MTSS1: variants seen among roughly 807,000 people sequenced by gnomAD.
MTSS1 encodes the protein protein MTSS 1.
MTSS1 carries 18 observed loss-of-function variants against 79.0 expected under a neutral mutation model. The ratio of observed to expected loss-of-function variants is 0.23; its 90% CI spans 0.16 to 0.34. MTSS1 has a LOEUF of 0.34. Among genes scored for constraint, MTSS1 ranks in the 10% least tolerant of loss-of-function variants. The pLI is 1.00. For missense variants in MTSS1, 815 were observed against 986.2 expected, an observed-to-expected ratio of 0.83 and a Z score of 2.33; for synonymous variants, 341 against 368.6, an observed-to-expected ratio of 0.93 and a Z score of 0.86.
intron 3 of MTSS1, among the ~76,000 whole-genome samples, chr8:124,623,713 T>C (rs7842533): frequency 0.55 from 84,175 of 152,070 alleles, 25,963 homozygotes; most frequent in African/African-American, 0.83. Flanking sequence ...GATCTCAGCT[T>C]ACTGCAACCT....
intron 3 of MTSS1, among the ~76,000 whole-genome samples, chr8:124,681,966 C>A (rs1473616691): frequency 2.0e-5 from 3 of 152,160 alleles, no homozygotes; most frequent in African/African-American, 7.2e-5. Context: ...TCTTTATACA[C>A]CTTCTCAAAG....
In MTSS1 at chr8:124,693,166, G is replaced by A. The variant is rs561723985; in HGVS notation, c.208+6360C>T. Among the ~76,000 whole-genome samples, 3 of 152,288 alleles carry A rather than the reference G, an allele frequency of 2.0e-5. No individual in the cohort carries two copies. The South Asian group carries it at 6.2e-4, about 32-fold the overall frequency. Reference sequence around the variant, plus strand: ...GACATTCTGGGCCTGGAATGCACATGTGCCAGCAGATAGGGATCAAGGGTT... The same window carrying A: ...GACATTCTGGGCCTGGAATGCACATATGCCAGCAGATAGGGATCAAGGGTT... On this transcript the variant is annotated intron_variant, in intron 3 of 13. Transcript: ENST00000518547.
At chr8:124,726,717 C>T (rs1833748484) in intron 1 of MTSS1, among the ~76,000 whole-genome samples, 1 of 152,150 alleles carries the variant, frequency 6.6e-6, no homozygotes, top group South Asian at 2.1e-4. Context: ...CTCCTCCAGG[C>T]GCCCAGGCAG....
At chr8:124,686,799 T>C (rs1827059857) in intron 3 of MTSS1, among the ~76,000 whole-genome samples, 1 of 152,172 alleles carries the variant, frequency 6.6e-6, no homozygotes, top group Admixed American at 6.5e-5. Flanking sequence ...TTCTGAGGTG[T>C]TTCCATAAAC....
At chr8:124,646,641 G>A (rs1012921810) in intron 3 of MTSS1, among the ~76,000 whole-genome samples, 2 of 152,136 alleles carry the variant, frequency 1.3e-5, no homozygotes, top group African/African-American at 4.8e-5. Flanking sequence ...TGCTTTAAAA[G>A]ACAAAATGCC....
chr8:124,713,254 C>G (rs376210606), intron 1 of MTSS1, among the ~76,000 whole-genome samples: 2 of 152,340 alleles, frequency 1.3e-5, no homozygotes, highest in Non-Finnish European at 2.9e-5. Context: ...GGCCACCCCA[C>G]CACAACGGCA....
At chr8:124,662,122 T>C (rs898849351) in intron 3 of MTSS1, among the ~76,000 whole-genome samples, 1 of 152,182 alleles carries the variant, frequency 6.6e-6, no homozygotes, top group African/African-American at 2.4e-5. Flanking sequence ...TGATCGCATG[T>C]GCTACAACGT....
Position 124,704,148 on chromosome 8 carries a change from T to C in MTSS1, c.116A>G (p.Lys39Arg), listed in dbSNP as rs1356912824. ...TACTTACCGAAGCTGGGACTGCAGC[T>C]TTCCTGCTTTGTTTATGAAATCTTC... is the stretch of plus-strand genomic sequence containing the variant. ...VWEDFINKAG[K>R]LQSQLRTTVV... The change falls in exon 2 of 14, where the codon AAG becomes AGG. Residue 39 changes from lysine to arginine, a missense_variant. Lys to Arg is a conservative substitution (Grantham distance 26, BLOSUM62 2). This residue lies in a region of MTSS1 where 225 missense variants were observed against 365.4 expected (regional missense o/e 0.62). Coordinates refer to ENST00000518547, the MANE Select transcript of MTSS1 (RefSeq NM_014751.6). The C allele has an allele frequency of 6.2e-7, 1 of 1,614,050 alleles. No homozygotes were observed. The highest frequency in any genetic ancestry group is 2.2e-5 in the East Asian group (1 of 44,876).
chr8:124,667,176 G>A (rs1264930962), intron 3 of MTSS1, among the ~76,000 whole-genome samples: 1 of 152,164 alleles, frequency 6.6e-6, no homozygotes, highest in South Asian at 2.1e-4. Flanking sequence ...CCCTCATGGG[G>A]AGGCGCTCTC....
At chr8:124,714,409 T>A (rs578245444) in intron 1 of MTSS1, among the ~76,000 whole-genome samples, 17 of 152,324 alleles carry the variant, frequency 1.1e-4, no homozygotes, top group South Asian at 4.1e-4. Context: ...CTGCATTAAC[T>A]GTTATTTGCT....
intron 3 of MTSS1, among the ~76,000 whole-genome samples, chr8:124,647,074 T>C (rs1006715400): frequency 3.4e-4 from 52 of 152,286 alleles, no homozygotes; most frequent in African/African-American, 1.2e-3. Flanking sequence ...GCTTTCAAAC[T>C]CCTAGGCTCA....
chr8:124,616,135 A>C (rs141994885), intron 3 of MTSS1, among the ~76,000 whole-genome samples: 2 of 152,284 alleles, frequency 1.3e-5, no homozygotes, highest in Non-Finnish European at 2.9e-5. Flanking sequence ...AACCAAACCA[A>C]CACATTCAAC....
At chr8:124,610,410 C>T (rs991973202) in intron 3 of MTSS1, among the ~76,000 whole-genome samples, 6 of 152,130 alleles carry the variant, frequency 3.9e-5, no homozygotes, top group African/African-American at 7.2e-5. Flanking sequence ...AAAGCCTTCG[C>T]GGGAACAGAT....
chr8:124,628,948 A>G, intron 3 of MTSS1, among the ~76,000 whole-genome samples: 1 of 152,172 alleles, frequency 6.6e-6, no homozygotes, highest in Middle Eastern at 3.2e-3. Flanking sequence ...CACGGATTTT[A>G]CAGGATCCCA....
chr8:124,686,836 T>C (rs1040737441), intron 3 of MTSS1, among the ~76,000 whole-genome samples: 2 of 152,198 alleles, frequency 1.3e-5, no homozygotes, highest in African/African-American at 4.8e-5. Context: ...AAGAACCTGG[T>C]ACTGGAGTGT....
chr8:124,568,855 G>A, intron 6 of MTSS1: 1 of 1,432,286 alleles, frequency 7.0e-7, no homozygotes, highest in Non-Finnish European at 9.1e-7. Context: ...GGAACACAGA[G>A]CCAGACAGCA....
At chr8:124,724,342 G>A (rs1833372560) in intron 1 of MTSS1, among the ~76,000 whole-genome samples, 1 of 152,164 alleles carries the variant, frequency 6.6e-6, no homozygotes, top group African/African-American at 2.4e-5. Context: ...CAGGTGGGGG[G>A]CGGTGGGGAG....
chr8:124,701,067 C>T (rs895373473), intron 2 of MTSS1, among the ~76,000 whole-genome samples: 6 of 151,950 alleles, frequency 3.9e-5, no homozygotes, highest in African/African-American at 1.5e-4. Flanking sequence ...ATTCTCTACA[C>T]ACAAAAAAAT....
rs572126416 is a variant in MTSS1, at chr8:124,597,202, C to A, written c.209-5967G>T. Among the ~76,000 whole-genome samples the A allele has an allele frequency of 7.2e-4, 110 of 152,244 alleles. 1 individual carries two copies. Among genetic ancestry groups the A allele is most frequent in the Non-Finnish European group, 1.3e-3 (86 of 68,018 alleles). On this transcript the variant is annotated intron_variant, in intron 3 of 13. Coordinates refer to ENST00000518547, the MANE Select transcript of MTSS1 (RefSeq NM_014751.6). The surrounding 1 kb of genome is among the most constrained non-coding windows in gnomAD (Gnocchi z 4.6). ...GCAGGGAACACTGTCCTGACAGCAA[C>A]CCTCTGTGGTAGGCATTATCAGCCC...
Sources: allele counts gnomAD v4.1 joint callset (sites outside exome capture counted in the v4.1 genomes callset), GRCh38; gene constraint gnomAD v4.1.1; regional missense constraint gnomAD v4.1.1; non-coding constraint Gnocchi (gnomAD v3.1); transcripts MANE v1.5; gene names NCBI Gene and HGNC (gene_info 2026-07-23, HGNC 2026-07-21).